Variants in PNKD observed in about 807,000 individuals in gnomAD.
The protein encoded by PNKD is probable thioesterase PNKD.
A neutral mutation model predicts 45.3 loss-of-function variants in PNKD; 36 were observed. The observed-to-expected ratio is 0.80, with a 90% CI of 0.61 to 1.05. PNKD has a LOEUF of 1.05. Among genes scored for constraint, PNKD ranks in the 50% least tolerant of loss-of-function variants. The pLI, the probability that PNKD is intolerant of heterozygous loss-of-function variation, is 0.00. For missense variants in PNKD, 511 were observed against 506.6 expected (o/e 1.01, Z -0.08); for synonymous variants, 197 against 210.1 (o/e 0.94, Z 0.54).
chr2:218,273,975 A>T (rs1690977875), intron 2 of PNKD, among the ~76,000 whole-genome samples: 1 of 152,186 alleles, frequency 6.6e-6, no homozygotes, highest in Non-Finnish European at 1.5e-5. Flanking sequence ...TACAGCCAAG[A>T]GGTCTCTTCC....
chr2:218,298,939 G>C (rs1219870814), intron 2 of PNKD, among the ~76,000 whole-genome samples: 1 of 151,912 alleles, frequency 6.6e-6, no homozygotes, highest in Non-Finnish European at 1.5e-5. Context: ...CACGATATTA[G>C]CTGCCTGAGA....
chr2:218,291,827 A>G (rs566941501), intron 2 of PNKD, among the ~76,000 whole-genome samples: 1 of 152,308 alleles, frequency 6.6e-6, no homozygotes, highest in African/African-American at 2.4e-5. Flanking sequence ...GCCGGGAAAC[A>G]GTGGCTGGAA....
chr2:218,288,466 AACC>A (rs1692703614), intron 2 of PNKD, among the ~76,000 whole-genome samples: 1 of 152,136 alleles, frequency 6.6e-6, no homozygotes, highest in Admixed American at 6.5e-5. Context: ...GAAGGAAGGG[AACC>A]ACTTAGAGTA....
Position 218,318,950 on chromosome 2 carries a change from C to CTTTTTTTTTTTTTTT in PNKD, c.237-20825_237-20811dup, listed in dbSNP as rs769001811. Among the ~76,000 whole-genome samples, 137 of 99,888 alleles carry CTTTTTTTTTTTTTTT rather than the reference C, an allele frequency of 1.4e-3. 2 individuals carry two copies. Among genetic ancestry groups the CTTTTTTTTTTTTTTT allele is most frequent in the East Asian group, 2.2e-3 (8 of 3,568 alleles). 65.5% of individuals were successfully genotyped at this position (99,888 alleles called of 152,430 possible). A position where few individuals can be genotyped will look rare whatever the true frequency, so the allele number is the denominator to read the frequency against. On this transcript the variant is annotated intron_variant, in intron 2 of 9. Transcript: ENST00000273077. ...GCACAAATCTTTTCTTTTTTTTTTT[C>CTTTTTTTTTTTTTTT]TTTTTTTTTTTTTTTTTTTTTTGAG...
chr2:218,326,061 G>A lies in PNKD; in HGVS notation c.237-13722G>A, dbSNP rs1346504505. 1.3e-5 allele frequency among the ~76,000 whole-genome samples: 2 copies of A among 151,904 alleles called. No homozygotes were observed. Among genetic ancestry groups the A allele is most frequent in the East Asian group, 3.9e-4 (2 of 5,178 alleles). ...CTAGGGGTGCCTCCAGGAAGGATGGGGAGGGAGGGGGAACGGAATGGGACA... is the reference window on the plus strand; with the variant it reads ...CTAGGGGTGCCTCCAGGAAGGATGGAGAGGGAGGGGGAACGGAATGGGACA... On this transcript the variant is annotated intron_variant, in intron 2 of 9. Coordinates refer to ENST00000273077, the MANE Select transcript of PNKD (RefSeq NM_015488.5). This position sits in a 1 kb window ranked among gnomAD's most constrained non-coding sequence, Gnocchi z 4.1.
Position 218,344,813 on chromosome 2 carries a change from A to G in PNKD, c.990A>G (p.Pro330=). 1 of 1,613,780 alleles carries G rather than the reference A, an allele frequency of 6.2e-7. No individual in the cohort carries two copies. Among genetic ancestry groups the G allele is most frequent in the Non-Finnish European group, 8.5e-7 (1 of 1,179,734 alleles). The part of the protein sequence containing the change: ...RQRLERKGTC[P]STLGEERSYN... Reference sequence around the variant, plus strand: ...CTGGTTCCTCTCACCCACAGTGCCCATCTACCCTGGGAGAGGAGCGCTCCT... The same window carrying G: ...CTGGTTCCTCTCACCCACAGTGCCCGTCTACCCTGGGAGAGGAGCGCTCCT... The change falls in exon 10 of 10, where the codon CCA becomes CCG. Residue 330 remains proline, a synonymous_variant. Transcript: ENST00000273077.
chr2:218,275,624 G>A (rs1031657480), intron 2 of PNKD: 3 of 1,608,730 alleles, frequency 1.9e-6, no homozygotes, highest in Non-Finnish European at 2.5e-6. Context: ...GCCAGGAACT[G>A]CAAGGATAGG....
chr2:218,273,462 T>G (rs1459933860), intron 2 of PNKD, among the ~76,000 whole-genome samples: 4 of 125,534 alleles, frequency 3.2e-5, no homozygotes, highest in Admixed American at 8.2e-5. Context: ...TTTTTTTTTT[T>G]GGATTTTTTT....
At chr2:218,281,520 G>A (rs1691990868) in intron 2 of PNKD, among the ~76,000 whole-genome samples, 1 of 152,226 alleles carries the variant, frequency 6.6e-6, no homozygotes, top group Non-Finnish European at 1.5e-5. Flanking sequence ...GCAAAAGTCA[G>A]ATTTCACTTT....
At position 218,340,075 on chromosome 2, in the gene PNKD, C is replaced by CAA; in HGVS notation, c.399_400insAA (p.Leu134AsnfsTer140). ...CTGTCCTCTCGGACAACTACAGCTA[C>CAA]CTCATCATCGACACCCAGGCCCAGC... On this transcript the variant is annotated frameshift_variant, in exon 4 of 10. Transcript: ENST00000273077. LOFTEE classifies it high-confidence loss of function. This position sits in a 1 kb window ranked among gnomAD's most constrained non-coding sequence, Gnocchi z 4.2. 1 of 1,614,008 alleles carries CAA rather than the reference C, an allele frequency of 6.2e-7. No individual in the cohort carries two copies. Among genetic ancestry groups the CAA allele is most frequent in the Non-Finnish European group, 8.5e-7 (1 of 1,179,898 alleles).
chr2:218,323,138 C>T, intron 2 of PNKD: 1 of 1,311,124 alleles, frequency 7.6e-7, no homozygotes, highest in Non-Finnish European at 9.7e-7. Context: ...AAGGAGAGGT[C>T]AATGGGCGGG....
At chr2:218,334,215 G>A (rs933052938) in intron 2 of PNKD, among the ~76,000 whole-genome samples, 6 of 151,932 alleles carry the variant, frequency 3.9e-5, no homozygotes, top group African/African-American at 4.8e-5. Context: ...GAATACTATC[G>A]TCTTTCATAA....
chr2:218,288,225 G>A (rs1424306289), intron 2 of PNKD, among the ~76,000 whole-genome samples: 7 of 152,072 alleles, frequency 4.6e-5, no homozygotes, highest in Admixed American at 1.3e-4. Context: ...TCAGGAGATC[G>A]AGACCATCCT....
chr2:218,309,237 A>G, intron 2 of PNKD, among the ~76,000 whole-genome samples: 1 of 151,436 alleles, frequency 6.6e-6, no homozygotes, highest in Non-Finnish European at 1.5e-5. Context: ...GGCCAACATG[A>G]TGAAACCTGT....
chr2:218,278,957 G>T (rs1331512700), intron 2 of PNKD: 3 of 1,548,462 alleles, frequency 1.9e-6, no homozygotes, highest in Non-Finnish European at 2.7e-6. Context: ...TTTTGATCCT[G>T]CCCTGAGCAA....
intron 2 of PNKD, among the ~76,000 whole-genome samples, chr2:218,321,623 C>CTT (rs35315674): frequency 2.5e-3 from 234 of 93,806 alleles, no homozygotes; most frequent in African/African-American, 3.1e-3. Flanking sequence ...GTGAGCTTGA[C>CTT]TTTTTTTTTT....
intron 2 of PNKD, among the ~76,000 whole-genome samples, chr2:218,288,271 T>C (rs1055282355): frequency 2.6e-5 from 4 of 151,956 alleles, no homozygotes; most frequent in Non-Finnish European, 5.9e-5. Context: ...TACTAAAAAA[T>C]ACAAAAAATT....
At chr2:218,339,950 C>G in intron 3 of PNKD, 52 bp downstream of exon 3, 1 of 1,448,462 alleles carries the variant, frequency 6.9e-7, no homozygotes, top group Admixed American at 1.8e-5. Context: ...CCCCACCCTC[C>G]CCGCCTGCTC....
rs754138242 is a variant in PNKD, at chr2:218,339,826, C to T, written c.280C>T (p.Arg94Ter). 26 of 1,613,708 alleles carry T rather than the reference C, an allele frequency of 1.6e-5. No homozygotes were observed. The highest frequency in any genetic ancestry group is 2.0e-5 in the Non-Finnish European group (24 of 1,179,904). Residue 94 changes from arginine to a stop codon, truncating the protein, a stop_gained, in exon 3 of 10, where the codon CGA becomes TGA. Transcript: ENST00000273077. LOFTEE classifies it high-confidence loss of function. ...CACCTGGCTCGGGTACCTCTTCTAC[C>T]GACAGCAGCTGCGCAGGGCTCGGAA... ...TRTWLGYLFYRQQLRRARNRY... is the reference protein window; with the variant it reads ...TRTWLGYLFY
Sources: allele counts gnomAD v4.1 joint callset (sites outside exome capture counted in the v4.1 genomes callset), GRCh38; gene constraint gnomAD v4.1.1; non-coding constraint Gnocchi (gnomAD v3.1); transcripts MANE v1.5; gene names NCBI Gene and HGNC (gene_info 2026-07-23, HGNC 2026-07-21).